The following RTF2 variants were observed in gnomAD, a reference collection of about 807,000 sequenced individuals.
RTF2 encodes the protein UPF0549 protein C20orf43.
In RTF2, 18 loss-of-function variants were observed where a neutral mutation model predicts 38.0. That is an observed-to-expected ratio of 0.47 (90% CI 0.33 to 0.70). The LOEUF is 0.70. RTF2 is among the 30% of genes least tolerant of loss of function. RTF2 has a pLI of 0.02. For synonymous variants in RTF2, 126 were observed against 137.1 expected, an observed-to-expected ratio of 0.92 and a Z score of 0.57; for missense variants, 311 against 379.6, an observed-to-expected ratio of 0.82 and a Z score of 1.50.
At chr20:56,491,712 A>G in intron 5 of RTF2, 1 of 1,552,278 alleles carries the variant, frequency 6.4e-7, no homozygotes, top group African/African-American at 1.4e-5. Context: ...TTGTTGGCAA[A>G]CAGAGAAGGC....
At position 56,477,552 on chromosome 20, in the gene RTF2, C is replaced by CT. The variant is rs970347457; in HGVS notation, c.398+437dup. Reference sequence around the variant, plus strand: ...TATGTTTTATAGTTTTATTTTTATCCTTTTTTTTTAAGTAGAAATAAGGTC... The same window carrying CT: ...TATGTTTTATAGTTTTATTTTTATCCTTTTTTTTTTAAGTAGAAATAAGGTC... On this transcript the variant is annotated intron_variant, in intron 4 of 8. Transcript: ENST00000357348. Among the ~76,000 whole-genome samples the CT allele has an allele frequency of 3.5e-4, 52 of 147,272 alleles. No individual in the cohort carries two copies. In the South Asian group the frequency reaches 4.4e-3, roughly 12 times the overall value.
chr20:56,471,276 A>C (rs1280541614), intron 1 of RTF2, among the ~76,000 whole-genome samples: 1 of 152,166 alleles, frequency 6.6e-6, no homozygotes, highest in Non-Finnish European at 1.5e-5. Context: ...GTATAGAAAA[A>C]ACACTTGTCT....
chr20:56,482,341 C>T (rs190689673), intron 4 of RTF2, among the ~76,000 whole-genome samples: 1 of 152,256 alleles, frequency 6.6e-6, no homozygotes, highest in African/African-American at 2.4e-5. Flanking sequence ...ATACCTAATA[C>T]AATATAAATG....
intron 5 of RTF2, among the ~76,000 whole-genome samples, chr20:56,486,257 G>A (rs985134158): frequency 6.6e-6 from 1 of 152,136 alleles, no homozygotes; most frequent in South Asian, 2.1e-4. Flanking sequence ...TTGGCAGGCA[G>A]GATCTAGCAA....
intron 5 of RTF2, among the ~76,000 whole-genome samples, chr20:56,497,980 A>G (rs556185810): frequency 2.0e-5 from 3 of 152,352 alleles, no homozygotes; most frequent in African/African-American, 7.2e-5. Context: ...AGCCTCTGGC[A>G]TACTTGCTGT....
chr20:56,486,199 G>GT (rs915750054), intron 5 of RTF2, among the ~76,000 whole-genome samples: 26 of 152,218 alleles, frequency 1.7e-4, no homozygotes, highest in African/African-American at 5.5e-4. Context: ...TCGTACGTTT[G>GT]TAACACTCTC....
At chr20:56,508,119 C>G (rs1337908953) in intron 5 of RTF2, among the ~76,000 whole-genome samples, 1 of 152,108 alleles carries the variant, frequency 6.6e-6, no homozygotes, top group African/African-American at 2.4e-5. Context: ...TCTTCAGTCA[C>G]GAAAATTTAC....
intron 8 of RTF2, among the ~76,000 whole-genome samples, chr20:56,517,552 T>G: frequency 6.6e-6 from 1 of 152,116 alleles, no homozygotes; most frequent in Non-Finnish European, 1.5e-5. Context: ...ATGCCCCCAG[T>G]TTCTTTACTC....
chr20:56,486,407 G>A (rs1982794690), intron 5 of RTF2, among the ~76,000 whole-genome samples: 1 of 152,178 alleles, frequency 6.6e-6, no homozygotes, highest in Non-Finnish European at 1.5e-5. Context: ...CCAGCACTTT[G>A]GGAGGCCAAG....
intron 5 of RTF2, among the ~76,000 whole-genome samples, chr20:56,501,053 C>G (rs79615746): frequency 9.3e-4 from 141 of 152,202 alleles, no homozygotes; most frequent in African/African-American, 3.3e-3. Flanking sequence ...TTTCAATACA[C>G]ACAATGTATC....
chr20:56,503,977 C>G (rs1345599475), intron 5 of RTF2: 6 of 152,390 alleles, frequency 3.9e-5, no homozygotes, highest in African/African-American at 1.4e-4. Flanking sequence ...CACACACACA[C>G]GCACACACAC....
chr20:56,494,684 A>G (rs1164344781), intron 5 of RTF2, among the ~76,000 whole-genome samples: 1 of 152,226 alleles, frequency 6.6e-6, no homozygotes, highest in African/African-American at 2.4e-5. Flanking sequence ...GGCTGTGCAC[A>G]TTGGCAGCAG....
At position 56,495,351 on chromosome 20, in the gene RTF2, TAGTACA is replaced by T; in HGVS notation, c.477+11166_477+11171del. ...TGTGGAATCTGCTTCCCAGTTCTTT[TAGTACA>T]AGTTCTTCTGTGCTATCATTTCCAT... On this transcript the variant is annotated intron_variant, in intron 5 of 8. Coordinates refer to ENST00000357348, the MANE Select transcript of RTF2 (RefSeq NM_016407.5). 3.0e-6 allele frequency: 4 copies of T among 1,324,028 alleles called. No homozygotes were observed. In the South Asian group the frequency reaches 5.1e-5, roughly 17 times the overall value. 82.0% of individuals were successfully genotyped at this position (1,324,028 alleles called of 1,614,324 possible). A position where few individuals can be genotyped will look rare whatever the true frequency, so the allele number is the denominator to read the frequency against.
rs1985163528 is a variant in RTF2, at chr20:56,518,083, C to G, written c.743-4C>G. On this transcript the variant is annotated splice_region_variant and splice_polypyrimidine_tract_variant and intron_variant, in intron 8 of 8. Transcript: ENST00000357348. ...CTGACAGTTTTGGCTCTTCATTTTT[C>G]TAGCAATGAATGAGAGCTCTTCTGG... 1 of 1,601,510 alleles carries G rather than the reference C, an allele frequency of 6.2e-7. No homozygotes were observed. The highest frequency in any genetic ancestry group is 8.5e-7 in the Non-Finnish European group (1 of 1,176,078).
intron 5 of RTF2, among the ~76,000 whole-genome samples, chr20:56,489,931 T>C (rs1983014243): frequency 6.6e-6 from 1 of 152,246 alleles, no homozygotes; most frequent in South Asian, 2.1e-4. Context: ...TGTTTGCCTG[T>C]AGAAATGTGT....
At chr20:56,495,578 C>G (rs1205202306) in intron 5 of RTF2, among the ~76,000 whole-genome samples, 3 of 152,212 alleles carry the variant, frequency 2.0e-5, no homozygotes, top group African/African-American at 2.4e-5. Context: ...TCAGCCCTTT[C>G]TCCACCCCTT....
chr20:56,501,910 A>G (rs1242879488), intron 5 of RTF2, among the ~76,000 whole-genome samples: 8 of 152,138 alleles, frequency 5.3e-5, no homozygotes, highest in African/African-American at 1.9e-4. Context: ...GTGTGAGAGC[A>G]TTTCAAGGCT....
chr20:56,504,899 T>C (rs1452727266), intron 5 of RTF2, among the ~76,000 whole-genome samples: 1 of 152,238 alleles, frequency 6.6e-6, no homozygotes, highest in Non-Finnish European at 1.5e-5. Context: ...AGACACATGC[T>C]GCTTTTTTGC....
At chr20:56,486,922 G>A (rs908722624) in intron 5 of RTF2, among the ~76,000 whole-genome samples, 4 of 152,114 alleles carry the variant, frequency 2.6e-5, no homozygotes, top group African/African-American at 9.7e-5. Flanking sequence ...CAGGACTGTG[G>A]GGTGGGGTAC....
Sources: gnomAD v4.1 joint callset for allele counts (sites outside exome capture counted in the v4.1 genomes callset) on GRCh38, gnomAD v4.1.1 for gene constraint, MANE v1.5 for transcripts, NCBI Gene and HGNC (gene_info 2026-07-23, HGNC 2026-07-21) for gene names.